The following VPS54 variants were observed in gnomAD, a reference collection of about 807,000 sequenced individuals.
VPS54 encodes the protein VPS54 subunit of GARP complex.
Under a neutral mutation model 121.5 loss-of-function variants are expected in VPS54, and 45 were observed. That is an observed-to-expected ratio of 0.37 (90% CI 0.29 to 0.47). The LOEUF (loss-of-function observed/expected upper bound fraction) is 0.47, where lower values mean the gene tolerates loss of function less well. Among genes scored for constraint, VPS54 ranks in the 20% least tolerant of loss-of-function variants. VPS54 has a pLI of 0.99. For synonymous variants in VPS54, 371 were observed against 385.8 expected (o/e 0.96, Z 0.45); for missense variants, 1,090 against 1,131.4 (o/e 0.96, Z 0.52).
intron 1 of VPS54, among the ~76,000 whole-genome samples, chr2:63,992,982 C>A (rs770913407): frequency 6.6e-6 from 1 of 152,274 alleles, no homozygotes; most frequent in South Asian, 2.1e-4. Flanking sequence ...GTGCTTTCAC[C>A]AGTTCGAGCC....
intron 6 of VPS54, among the ~76,000 whole-genome samples, chr2:63,963,451 A>G (rs567342871): frequency 2.6e-4 from 39 of 152,002 alleles, no homozygotes; most frequent in Non-Finnish European, 4.7e-4. Context: ...TTTTTAACCC[A>G]CAGCTCAGAC....
At chr2:63,926,686 G>C (rs980220987) in intron 12 of VPS54, among the ~76,000 whole-genome samples, 1 of 152,198 alleles carries the variant, frequency 6.6e-6, no homozygotes, top group African/African-American at 2.4e-5. Context: ...GCGGGGCATC[G>C]CCTCACCTGG....
chr2:63,964,418 T>C (rs1675897531), intron 6 of VPS54, among the ~76,000 whole-genome samples: 1 of 152,168 alleles, frequency 6.6e-6, no homozygotes, highest in African/African-American at 2.4e-5. Context: ...AAATAATTTT[T>C]AAATTATCTG....
chr2:63,985,149 G>GT (rs1297078946), intron 1 of VPS54, among the ~76,000 whole-genome samples: 2 of 151,970 alleles, frequency 1.3e-5, no homozygotes, highest in African/African-American at 4.8e-5. Flanking sequence ...ATGAAACCTC[G>GT]TATCTATAAA....
intron 5 of VPS54, among the ~76,000 whole-genome samples, chr2:63,968,550 A>C (rs750126835): frequency 1.3e-5 from 2 of 152,044 alleles, no homozygotes; most frequent in Non-Finnish European, 2.9e-5. Context: ...CATCTCTACT[A>C]AAAATACAAA....
chr2:63,897,940 C>T (rs778077883), intron 21 of VPS54, among the ~76,000 whole-genome samples: 4 of 152,244 alleles, frequency 2.6e-5, no homozygotes, highest in Non-Finnish European at 5.9e-5. Context: ...AAGATACCTT[C>T]GTACTTCTAA....
At chr2:63,974,931 T>G (rs1293252582) in intron 3 of VPS54, 16 of 1,479,666 alleles carry the variant, frequency 1.1e-5, no homozygotes, top group Non-Finnish European at 1.4e-5. Flanking sequence ...CTTATTACAT[T>G]AGTTAGGACT....
intron 12 of VPS54, 42 bp downstream of exon 12, chr2:63,933,631 G>T: frequency 6.5e-7 from 1 of 1,544,536 alleles, no homozygotes; most frequent in South Asian, 1.1e-5. Context: ...TTAATAAGAT[G>T]ACTCAAAATC....
chr2:63,905,430 A>C (rs1672862617), intron 20 of VPS54, among the ~76,000 whole-genome samples: 3 of 152,128 alleles, frequency 2.0e-5, no homozygotes, highest in South Asian at 4.2e-4. Flanking sequence ...CCAAGTTAAT[A>C]ACAGATGAAA....
intron 1 of VPS54, among the ~76,000 whole-genome samples, chr2:64,015,528 G>A (rs562618580): frequency 2.6e-5 from 4 of 152,050 alleles, no homozygotes; most frequent in South Asian, 4.1e-4. Flanking sequence ...ATTTTGAACC[G>A]GATAATTTCT....
chr2:63,937,509 G>T (rs1052986298), intron 11 of VPS54, among the ~76,000 whole-genome samples: 5 of 152,108 alleles, frequency 3.3e-5, no homozygotes, highest in Non-Finnish European at 7.4e-5. Context: ...TTTTGGCAAG[G>T]ATGCAGAAAA....
chr2:63,932,721 T>C (rs1279054158), intron 12 of VPS54, among the ~76,000 whole-genome samples: 1 of 151,516 alleles, frequency 6.6e-6, no homozygotes, highest in East Asian at 1.9e-4. Flanking sequence ...ATAATAAAAA[T>C]ATTGTTATTC....
intron 1 of VPS54, among the ~76,000 whole-genome samples, chr2:64,013,401 T>C (rs1230823852): frequency 6.6e-6 from 1 of 151,926 alleles, no homozygotes; most frequent in East Asian, 1.9e-4. Flanking sequence ...TGGGGGAGAC[T>C]TAAAGAGACA....
At chr2:63,987,594 T>G (rs1167243224) in intron 1 of VPS54, among the ~76,000 whole-genome samples, 1 of 152,234 alleles carries the variant, frequency 6.6e-6, no homozygotes, top group Non-Finnish European at 1.5e-5. Context: ...GGGAATACAC[T>G]GAATCTGTAG....
chr2:63,975,583 T>G (rs1676486582), intron 3 of VPS54: 1 of 152,570 alleles, frequency 6.6e-6, no homozygotes, highest in African/African-American at 2.4e-5. Context: ...TTGATCTTGT[T>G]GGCCCCACCC....
In VPS54 at chr2:63,972,191, G is replaced by T. The variant is rs201054784; in HGVS notation, c.432C>A (p.Phe144Leu). ...CKNICPPKDTFERTLLHTHDK... is the reference protein window; with the variant it reads ...CKNICPPKDTLERTLLHTHDK... ...CATGAGTATGTAAAAGAGTCCTTTC[G>T]AAGGTATCTTTAGGAGGACAAATAT... The change falls in exon 4 of 23, where the codon TTC (phenylalanine) becomes TTA (leucine). Residue 144 changes from phenylalanine (F) to leucine (L), a missense_variant. Phe to Leu is a conservative substitution (Grantham distance 22, BLOSUM62 0). Coordinates refer to ENST00000272322, the MANE Select transcript of VPS54 (RefSeq NM_016516.3). 2.5e-6 allele frequency: 4 copies of T among 1,589,198 alleles called. No individual in the cohort carries two copies. The South Asian group carries it at 4.6e-5, about 18-fold the overall frequency.
intron 6 of VPS54, among the ~76,000 whole-genome samples, chr2:63,964,282 T>C (rs1675891636): frequency 6.6e-6 from 1 of 152,216 alleles, no homozygotes; most frequent in East Asian, 1.9e-4. Flanking sequence ...TTAGTCACTT[T>C]AAACATTCAG....
Position 63,919,992 on chromosome 2 carries a change from G to A in VPS54, c.2055C>T (p.Leu685=). ...GCTTCCAGCGCTCATTGTCTAAGAG[G>A]AGGCTAGTCCACAGTAAGGAGAAAA... ...FHEERKTKLS[L]LLDNERWKQA... is the part of the protein sequence containing the mutation. The change falls in exon 15 of 23, where the codon CTC becomes CTT. Residue 685 remains leucine (L), a synonymous_variant. Transcript: ENST00000272322. The A allele has an allele frequency of 1.9e-6, 3 of 1,610,084 alleles. No homozygotes were observed. Among genetic ancestry groups the A allele is most frequent in the Non-Finnish European group, 2.5e-6 (3 of 1,177,626 alleles).
At position 63,928,750 on chromosome 2, in the gene VPS54, A is replaced by G. The variant is rs1216224631; in HGVS notation, c.1739+4923T>C. On this transcript the variant is annotated intron_variant, in intron 12 of 22. Transcript: ENST00000272322. ...AAGAGTCAAGACCCATCGGTGTGCT[A>G]CATTCAGGAGACCCATCTCACATGC... Among the ~76,000 whole-genome samples the G allele has an allele frequency of 4.0e-4, 60 of 151,716 alleles. 1 individual carries two copies. The highest frequency in any genetic ancestry group is 2.6e-3 in the Admixed American group (40 of 15,170).
Sources: allele counts gnomAD v4.1 joint callset (sites outside exome capture counted in the v4.1 genomes callset), GRCh38; gene constraint gnomAD v4.1.1; transcripts MANE v1.5; gene names NCBI Gene and HGNC (gene_info 2026-07-23, HGNC 2026-07-21).